Variants in CCDC171 observed in about 807,000 individuals in gnomAD.
CCDC171 encodes coiled-coil domain-containing protein 171.
Under a neutral mutation model 168.2 loss-of-function variants are expected in CCDC171, and 177 were observed. The ratio of observed to expected loss-of-function variants is 1.05; its 90% CI spans 0.93 to 1.19. The LOEUF is 1.19. Ranked by LOEUF, CCDC171 falls within the 50% of genes most tolerant of loss-of-function variation. The pLI is 0.00. For missense variants in CCDC171, 1,991 were observed against 1,539.0 expected, an observed-to-expected ratio of 1.29 and a Z score of -4.91; for synonymous variants, 687 against 540.8, an observed-to-expected ratio of 1.27 and a Z score of -3.75.
chr9:15,807,576 G>A (rs2059137193), intron 21 of CCDC171, among the ~76,000 whole-genome samples: 1 of 152,058 alleles, frequency 6.6e-6, no homozygotes, highest in Non-Finnish European at 1.5e-5. Context: ...GAGGGGACTT[G>A]AGTGATTCTC....
chr9:15,831,291 A>C (rs2060222844), intron 21 of CCDC171, among the ~76,000 whole-genome samples: 1 of 152,248 alleles, frequency 6.6e-6, no homozygotes, highest in East Asian at 1.9e-4. Context: ...TATAAAAACA[A>C]AACTGTACTT....
intron 7 of CCDC171, among the ~76,000 whole-genome samples, chr9:15,650,059 C>G (rs1361475180): frequency 6.6e-6 from 1 of 152,184 alleles, no homozygotes; most frequent in Non-Finnish European, 1.5e-5. Context: ...CCATGGAATA[C>G]TATGCAGCCA....
chr9:15,880,597 C>T (rs1191962887), intron 24 of CCDC171, among the ~76,000 whole-genome samples: 1 of 150,228 alleles, frequency 6.7e-6, no homozygotes, highest in Non-Finnish European at 1.5e-5. Context: ...GCTGGGACTG[C>T]AGGCATGTGC....
chr9:15,567,592 T>C (rs373388493), intron 2 of CCDC171, among the ~76,000 whole-genome samples: 112 of 152,340 alleles, frequency 7.4e-4, no homozygotes, highest in African/African-American at 2.5e-3. Flanking sequence ...GGAATGTCTT[T>C]CCACTTGTTT....
chr9:16,092,989 G>A, the CCDC171 span, among the ~76,000 whole-genome samples: 1 of 152,188 alleles, frequency 6.6e-6, no homozygotes, highest in African/African-American at 2.4e-5. Context: ...GAGTTCATGG[G>A]CCCCTCTGGG....
At chr9:15,775,782 G>A (rs1438764113) in intron 18 of CCDC171, among the ~76,000 whole-genome samples, 1 of 152,120 alleles carries the variant, frequency 6.6e-6, no homozygotes, top group Non-Finnish European at 1.5e-5. Flanking sequence ...ATTTCTCTTA[G>A]TATTCTTGTG....
chr9:15,726,041 T>C (rs1372134877), intron 14 of CCDC171, among the ~76,000 whole-genome samples: 1 of 152,184 alleles, frequency 6.6e-6, no homozygotes, highest in East Asian at 1.9e-4. Context: ...AACTGGTTTA[T>C]CTAAGTCATC....
At chr9:15,980,244 G>A (rs1037315967) in intron 3 of CCDC171, among the ~76,000 whole-genome samples, 1 of 152,180 alleles carries the variant, frequency 6.6e-6, no homozygotes, top group African/African-American at 2.4e-5. Flanking sequence ...TACTAAAGTG[G>A]TTTTTCAGAA....
At chr9:16,047,526 A>T (rs2133065745) in intron 1 of CCDC171, among the ~76,000 whole-genome samples, 1 of 152,140 alleles carries the variant, frequency 6.6e-6, no homozygotes, top group African/African-American at 2.4e-5. Context: ...AAGCCCTCCT[A>T]ATTTTCTACC....
intron 2 of CCDC171, among the ~76,000 whole-genome samples, chr9:15,567,050 A>G (rs910599552): frequency 7.4e-6 from 1 of 135,246 alleles, no homozygotes; most frequent in Non-Finnish European, 1.5e-5. Context: ...TTTTTGAGGC[A>G]GAGTCTCACT....
At chr9:15,869,723 C>G (rs2061951674) in intron 23 of CCDC171, among the ~76,000 whole-genome samples, 1 of 151,492 alleles carries the variant, frequency 6.6e-6, no homozygotes, top group Admixed American at 6.6e-5. Context: ...AAAGTTAGGA[C>G]CAGTCAAGAT....
Position 15,576,508 on chromosome 9 carries a change from T to C in CCDC171, c.178-2341T>C, listed in dbSNP as rs542216037. Among the ~76,000 whole-genome samples the C allele has an allele frequency of 3.9e-4, 60 of 152,226 alleles. 1 individual carries two copies. In the South Asian group the frequency reaches 0.012, roughly 32 times the overall value. ...TGGCCAGCATTTTAATTTTAAGTAA[T>C]GTACTTTGTGCCCTTGAAGAGGATG... is the stretch of plus-strand genomic sequence containing the variant. On this transcript the variant is annotated intron_variant, in intron 3 of 25. Coordinates refer to ENST00000380701, the MANE Select transcript of CCDC171 (RefSeq NM_173550.4).
chr9:15,691,874 C>T (rs1183644395), intron 10 of CCDC171, among the ~76,000 whole-genome samples: 1 of 151,914 alleles, frequency 6.6e-6, no homozygotes, highest in East Asian at 1.9e-4. Flanking sequence ...GATGGGATCT[C>T]ACTATGTTGC....
At chr9:15,568,351 A>G (rs2039924620) in intron 2 of CCDC171, among the ~76,000 whole-genome samples, 1 of 150,540 alleles carries the variant, frequency 6.6e-6, no homozygotes, top group Non-Finnish European at 1.5e-5. Flanking sequence ...GCTCGCTGCA[A>G]GCTCCGCCTC....
intron 6 of CCDC171, among the ~76,000 whole-genome samples, chr9:15,606,731 A>G (rs940841116): frequency 1.3e-5 from 2 of 152,202 alleles, no homozygotes; most frequent in African/African-American, 4.8e-5. Context: ...TTTCTGGAAG[A>G]TGTGGAAAGA....
chr9:15,920,157 G>C lies in CCDC171; in HGVS notation c.3601-113G>C, dbSNP rs896092123. The stretch of plus-strand genomic sequence containing the variant: ...GTTTAGCTTTATTATTTTAAAGAAA[G>C]ATGAAAAGTTGTTTATTTTAAAATT... On this transcript the variant is annotated intron_variant, in intron 24 of 25. Coordinates refer to ENST00000380701, the MANE Select transcript of CCDC171 (RefSeq NM_173550.4). The C allele has an allele frequency of 5.9e-5, 34 of 575,578 alleles. No homozygotes were observed. The East Asian group carries it at 1.0e-3, about 17-fold the overall frequency. 35.7% of individuals were successfully genotyped at this position (575,578 alleles called of 1,614,324 possible).
At chr9:15,739,740 A>G (rs967174037) in intron 16 of CCDC171, among the ~76,000 whole-genome samples, 5 of 146,172 alleles carry the variant, frequency 3.4e-5, no homozygotes, top group Non-Finnish European at 7.5e-5. Flanking sequence ...TGTAATACCA[A>G]TTTTTTTTTT....
chr9:16,089,023 A>G, the CCDC171 span, among the ~76,000 whole-genome samples: 1 of 152,106 alleles, frequency 6.6e-6, no homozygotes, highest in African/African-American at 2.4e-5. Context: ...ATATAGACCA[A>G]TGGAACAGAA....
intron 6 of CCDC171, among the ~76,000 whole-genome samples, chr9:15,609,326 C>A (rs1348532233): frequency 2.0e-5 from 3 of 152,066 alleles, no homozygotes; most frequent in Non-Finnish European, 4.4e-5. Context: ...CCAGGCTGGT[C>A]TTGAACTCCT....
Sources: gnomAD v4.1 joint callset for allele counts (sites outside exome capture counted in the v4.1 genomes callset) on GRCh38, gnomAD v4.1.1 for gene constraint, MANE v1.5 for transcripts, NCBI Gene and HGNC (gene_info 2026-07-23, HGNC 2026-07-21) for gene names.